The following BMPR1A variants were observed in gnomAD, a reference collection of about 807,000 sequenced individuals.
BMPR1A encodes the protein bone morphogenetic protein receptor type 1A.
A neutral mutation model predicts 66.0 loss-of-function variants in BMPR1A; 7 were observed. The ratio of observed to expected loss-of-function variants is 0.11; its 90% CI spans 0.06 to 0.20. The LOEUF (loss-of-function observed/expected upper bound fraction) is 0.20, where lower values mean the gene tolerates loss of function less well. Ranked by LOEUF, BMPR1A falls within the 10% of genes least tolerant of loss-of-function variation. The pLI is 1.00. For synonymous variants in BMPR1A, 200 were observed against 229.7 expected, an observed-to-expected ratio of 0.87 and a Z score of 1.17; for missense variants, 408 against 669.1, an observed-to-expected ratio of 0.61 and a Z score of 4.31.
chr10:86,859,262 A>T (rs1319865598), intron 2 of BMPR1A, among the ~76,000 whole-genome samples: 2 of 152,178 alleles, frequency 1.3e-5, no homozygotes, highest in Non-Finnish European at 2.9e-5. Flanking sequence ...AATAAACTCA[A>T]AATGGATTAA....
intron 1 of BMPR1A, among the ~76,000 whole-genome samples, chr10:86,825,730 G>A (rs992654954): frequency 3.9e-5 from 6 of 152,130 alleles, no homozygotes; most frequent in African/African-American, 1.4e-4. Context: ...TCCTGCTTCA[G>A]TCACCCAAAG....
At chr10:86,761,336 G>A (rs1427482964) in intron 1 of BMPR1A, among the ~76,000 whole-genome samples, 1 of 152,216 alleles carries the variant, frequency 6.6e-6, no homozygotes, top group Non-Finnish European at 1.5e-5. Context: ...TTATGGCACA[G>A]ATTTGTTATA....
At chr10:86,803,630 T>C (rs1349950051) in intron 1 of BMPR1A, among the ~76,000 whole-genome samples, 1 of 152,222 alleles carries the variant, frequency 6.6e-6, no homozygotes, top group Non-Finnish European at 1.5e-5. Context: ...ACTTTTATTA[T>C]ATTCTCATAT....
At chr10:86,895,546 A>G (rs2133429024) in intron 5 of BMPR1A, among the ~76,000 whole-genome samples, 1 of 152,296 alleles carries the variant, frequency 6.6e-6, no homozygotes, top group Admixed American at 6.5e-5. Flanking sequence ...CCAAAAAAAA[A>G]AAAATTATGG....
At chr10:86,793,862 A>C (rs1841666506) in intron 1 of BMPR1A, among the ~76,000 whole-genome samples, 1 of 152,080 alleles carries the variant, frequency 6.6e-6, no homozygotes, top group Non-Finnish European at 1.5e-5. Flanking sequence ...GGGAAGTTCT[A>C]AGGAAGTATG....
At chr10:86,877,747 T>G (rs1842937723) in intron 3 of BMPR1A, among the ~76,000 whole-genome samples, 1 of 152,234 alleles carries the variant, frequency 6.6e-6, no homozygotes, top group Admixed American at 6.5e-5. Context: ...GCTGCTATAG[T>G]TTTGAAGATG....
Position 86,889,948 on chromosome 10 carries a change from C to T in BMPR1A, c.68-114C>T. The T allele has an allele frequency of 2.7e-6, 3 of 1,106,934 alleles. No homozygotes were observed. In the Admixed American group the frequency reaches 6.0e-5, roughly 22 times the overall value. 68.6% of individuals were successfully genotyped at this position (1,106,934 alleles called of 1,614,324 possible). On this transcript the variant is annotated intron_variant, in intron 3 of 12. Coordinates refer to ENST00000372037, the MANE Select transcript of BMPR1A (RefSeq NM_004329.3). ...AAATTTATATTTCTAAAGAAACATG[C>T]TAGCTACAATTATTGTGATAAGAAA...
At chr10:86,859,801 C>G (rs1842690050) in intron 2 of BMPR1A, among the ~76,000 whole-genome samples, 1 of 151,684 alleles carries the variant, frequency 6.6e-6, no homozygotes, top group African/African-American at 2.4e-5. Flanking sequence ...CAGAGTGAGA[C>G]TCGTCTCAAA....
chr10:86,877,685 A>G (rs1281071774), intron 3 of BMPR1A, among the ~76,000 whole-genome samples: 3 of 152,188 alleles, frequency 2.0e-5, no homozygotes, highest in Non-Finnish European at 2.9e-5. Flanking sequence ...ATTTAGTACA[A>G]TACCTTTACT....
intron 10 of BMPR1A, among the ~76,000 whole-genome samples, chr10:86,920,024 A>G (rs1843639266): frequency 6.6e-6 from 1 of 152,136 alleles, no homozygotes; most frequent in African/African-American, 2.4e-5. Flanking sequence ...ATGTAAATCT[A>G]CTTCATTCTT....
chr10:86,803,185 T>C (rs1841836726), intron 1 of BMPR1A, among the ~76,000 whole-genome samples: 1 of 152,144 alleles, frequency 6.6e-6, no homozygotes, highest in Non-Finnish European at 1.5e-5. Context: ...CACAACATAA[T>C]TGTAATAATG....
At chr10:86,825,737 A>C (rs1193284070) in intron 1 of BMPR1A, among the ~76,000 whole-genome samples, 1 of 152,184 alleles carries the variant, frequency 6.6e-6, no homozygotes, top group African/African-American at 2.4e-5. Flanking sequence ...TCAGTCACCC[A>C]AAGTACTGGG....
At chr10:86,789,353 G>C (rs12763816) in intron 1 of BMPR1A, among the ~76,000 whole-genome samples, 44,986 of 151,816 alleles carry the variant, frequency 0.3, 7,759 homozygotes, top group East Asian at 0.73. Flanking sequence ...GAGAAAACAA[G>C]CCATAGAATG....
intron 3 of BMPR1A, among the ~76,000 whole-genome samples, chr10:86,884,127 C>G (rs1238355757): frequency 2.0e-5 from 3 of 151,996 alleles, no homozygotes; most frequent in Non-Finnish European, 4.4e-5. Flanking sequence ...CTCGGCCTCC[C>G]AAGGTGCTGG....
intron 1 of BMPR1A, among the ~76,000 whole-genome samples, chr10:86,785,067 CT>C (rs1210638473): frequency 6.6e-6 from 1 of 152,074 alleles, no homozygotes; most frequent in Non-Finnish European, 1.5e-5. Flanking sequence ...TCTAAACTGC[CT>C]TGTGATTTCT....
chr10:86,830,390 A>G (rs1022111026), intron 1 of BMPR1A, among the ~76,000 whole-genome samples: 1 of 152,246 alleles, frequency 6.6e-6, no homozygotes, highest in Non-Finnish European at 1.5e-5. Context: ...AATCTTTGCC[A>G]GAGCCCAGGG....
In BMPR1A at chr10:86,780,432, C is replaced by A. The variant is rs181781731; in HGVS notation, c.-268+23513C>A. Among the ~76,000 whole-genome samples, 773 of 152,142 alleles carry A rather than the reference C, an allele frequency of 5.1e-3. 8 individuals carry two copies. The highest frequency in any genetic ancestry group is 0.042 in the South Asian group (202 of 4,810). Reference sequence around the variant, plus strand: ...TATGTTTTCTTACAGTGGTTTTTATCATTTCAAATCTTTTTTTTTTGAGAC... The same window carrying A: ...TATGTTTTCTTACAGTGGTTTTTATAATTTCAAATCTTTTTTTTTTGAGAC... On this transcript the variant is annotated intron_variant, in intron 1 of 12. Coordinates refer to ENST00000372037, the MANE Select transcript of BMPR1A (RefSeq NM_004329.3).
intron 1 of BMPR1A, among the ~76,000 whole-genome samples, chr10:86,791,869 G>A (rs888949827): frequency 6.9e-6 from 1 of 145,772 alleles, no homozygotes; most frequent in African/African-American, 2.5e-5. Context: ...CTACAGATGT[G>A]TGCCACCATG....
At chr10:86,929,014 C>A (rs1843783964), downstream of BMPR1A, 1 of 151,440 alleles carries the variant, frequency 6.6e-6, no homozygotes, top group Non-Finnish European at 1.5e-5. Flanking sequence ...CATTAAATAG[C>A]CATTGAGAAC....
Sources: allele counts gnomAD v4.1 joint callset (sites outside exome capture counted in the v4.1 genomes callset), GRCh38; gene constraint gnomAD v4.1.1; transcripts MANE v1.5; gene names NCBI Gene and HGNC (gene_info 2026-07-23, HGNC 2026-07-21).